ZZEF1: variants seen among roughly 807,000 people sequenced by gnomAD.
ZZEF1 encodes the protein zinc finger ZZ-type and EF-hand domain containing 1, also known as zinc finger ZZ-type and EF-hand domain-containing protein 1.
ZZEF1 carries 157 observed loss-of-function variants against 342.8 expected under a neutral mutation model. That is an observed-to-expected ratio of 0.46 (90% CI 0.40 to 0.52). The LOEUF (loss-of-function observed/expected upper bound fraction) is 0.52, where lower values mean the gene tolerates loss of function less well. Ranked by LOEUF, ZZEF1 falls within the 20% of genes least tolerant of loss-of-function variation. The pLI is 0.00. For missense variants in ZZEF1, 3,480 were observed against 3,725.6 expected, an observed-to-expected ratio of 0.93 and a Z score of 1.72; for synonymous variants, 1,505 against 1,429.1, an observed-to-expected ratio of 1.05 and a Z score of -1.20.
chr17:4,007,570 C>T (rs1024835524), intron 54 of ZZEF1, among the ~76,000 whole-genome samples: 3 of 152,096 alleles, frequency 2.0e-5, no homozygotes, highest in Non-Finnish European at 2.9e-5. Flanking sequence ...AAGAGGGACC[C>T]GCCCACAGGC....
chr17:4,104,681 G>A lies in ZZEF1; in HGVS notation c.1525C>T (p.Leu509Phe). The A allele has an allele frequency of 6.2e-7, 1 of 1,614,130 alleles. No homozygotes were observed. The highest frequency in any genetic ancestry group is 8.5e-7 in the Non-Finnish European group (1 of 1,180,008). Residue 509 changes from leucine (L) to phenylalanine (F), a missense_variant, in exon 8 of 55, where the codon CTC becomes TTC. Transcript: ENST00000381638. Reference protein sequence around the residue: ...HLDTQYDASSLILSMASVRQN... With the variant: ...HLDTQYDASSFILSMASVRQN... ...CTGACTGACGCCATGGACAAGATGA[G>A]GGATGAGGCATCATACTGCGTGTCC...
intron 37 of ZZEF1, 86 bp from the exon 38 acceptor site, chr17:4,044,460 G>T: frequency 7.8e-7 from 1 of 1,284,106 alleles, no homozygotes; most frequent in South Asian, 1.5e-5. Context: ...TGATTAGCCA[G>T]TCTTCATAGA....
chr17:4,087,630 G>A (rs1014809407), intron 13 of ZZEF1, 96 bp from the exon 14 acceptor site: 8 of 1,102,698 alleles, frequency 7.3e-6, no homozygotes, highest in African/African-American at 3.2e-5. Context: ...AAGGGATGAG[G>A]TGGCTCTACA....
chr17:4,017,376 C>T lies in ZZEF1; in HGVS notation c.7996G>A (p.Glu2666Lys), dbSNP rs760105104. The T allele has an allele frequency of 6.3e-7, 1 of 1,592,356 alleles. No homozygotes were observed. Among genetic ancestry groups the T allele is most frequent in the Non-Finnish European group, 8.6e-7 (1 of 1,165,840 alleles). Residue 2666 changes from glutamate (E) to lysine (K), a missense_variant, in exon 48 of 55, where the codon GAG (glutamate) becomes AAG (lysine). By Grantham distance (56) the Glu-to-Lys change is moderately conservative. Coordinates refer to ENST00000381638, the MANE Select transcript of ZZEF1 (RefSeq NM_015113.4). This position sits in a 1 kb window ranked among gnomAD's most constrained non-coding sequence, Gnocchi z 5.1. ...AGCTCAGTCTGCATAACTACCTTCT[C>T]CCACTCATGCTTTTCTTCCAGCTGC... Reference protein sequence around the residue: ...FMQLEEKHEWEKILQKVLQGC... With the variant: ...FMQLEEKHEWKKILQKVLQGC...
In ZZEF1 at chr17:4,110,767, T is replaced by C. The variant is rs564288630; in HGVS notation, c.1067-904A>G. On this transcript the variant is annotated intron_variant, in intron 5 of 54. Coordinates refer to ENST00000381638, the MANE Select transcript of ZZEF1 (RefSeq NM_015113.4). ...GCTCTGTTCACCCAGGCTGGAGGAG[T>C]GCAGTGGCACAATCTCAGCTCACTG... 7.0e-4 allele frequency among the ~76,000 whole-genome samples: 100 copies of C among 141,932 alleles called. 1 individual carries two copies. Among genetic ancestry groups the C allele is most frequent in the African/African-American group, 2.5e-3 (96 of 37,768 alleles). The allele number at this position is 141,932 out of a possible 152,430, so 93.1% of individuals were successfully genotyped here.
intron 37 of ZZEF1, among the ~76,000 whole-genome samples, chr17:4,049,366 G>A (rs1357400030): frequency 6.6e-6 from 1 of 151,970 alleles, no homozygotes; most frequent in African/African-American, 2.4e-5. Flanking sequence ...ACAAAAATTA[G>A]CCAGGCATGG....
chr17:4,018,029 T>C, intron 46 of ZZEF1, 58 bp from the exon 47 acceptor site: 1 of 1,594,720 alleles, frequency 6.3e-7, no homozygotes, highest in South Asian at 1.1e-5. Context: ...AGTTTTAACC[T>C]GCACTTAAAC....
At chr17:4,114,930 A>C (rs1198662188) in intron 3 of ZZEF1, among the ~76,000 whole-genome samples, 1 of 152,214 alleles carries the variant, frequency 6.6e-6, no homozygotes, top group Non-Finnish European at 1.5e-5. Flanking sequence ...TTCTGAGTTA[A>C]TTCATACATT....
chr17:4,042,913 C>T (rs1390735324), intron 38 of ZZEF1, among the ~76,000 whole-genome samples: 1 of 152,178 alleles, frequency 6.6e-6, no homozygotes, highest in Non-Finnish European at 1.5e-5. Flanking sequence ...AACTCTTGAC[C>T]TCAAGTGATC....
chr17:4,101,026 A>G (rs903250098), intron 9 of ZZEF1, among the ~76,000 whole-genome samples: 1 of 152,066 alleles, frequency 6.6e-6, no homozygotes, highest in African/African-American at 2.4e-5. Flanking sequence ...CCCACTTTGG[A>G]TGGCAGGAGC....
At chr17:4,132,965 CA>C (rs149110239) in intron 1 of ZZEF1, among the ~76,000 whole-genome samples, 16,751 of 147,776 alleles carry the variant, frequency 0.11, 1,224 homozygotes, top group African/African-American at 0.21. Context: ...GACTCCATCT[CA>C]AAAAAAAAAG....
rs998323456 is a variant in ZZEF1 at position 4,124,183 on chromosome 17, T to G, written c.355-132A>C. The G allele has an allele frequency of 1.6e-4, 182 of 1,136,820 alleles. 1 individual carries two copies. Among genetic ancestry groups the G allele is most frequent in the Non-Finnish European group, 2.0e-4 (167 of 833,362 alleles). The allele number at this position is 1,136,820 out of a possible 1,614,324, so 70.4% of individuals were successfully genotyped here. On this transcript the variant is annotated intron_variant, in intron 1 of 54. Transcript: ENST00000381638. The stretch of plus-strand genomic sequence containing the variant: ...GGTTGCAGAGAGAAGAGTCCATATG[T>G]ATCAACCAAAGATAAATTTAGAACA...
intron 11 of ZZEF1, among the ~76,000 whole-genome samples, chr17:4,095,169 C>T (rs1410112447): frequency 6.6e-6 from 1 of 152,182 alleles, no homozygotes; most frequent in African/African-American, 2.4e-5. Flanking sequence ...CACCTCTGGG[C>T]CCATGAAGCT....
At chr17:4,057,603 T>C (rs951880536) in intron 32 of ZZEF1, among the ~76,000 whole-genome samples, 4 of 152,128 alleles carry the variant, frequency 2.6e-5, no homozygotes, top group Non-Finnish European at 5.9e-5. Context: ...TAACAAAAAT[T>C]ATGGAAAGGA....
chr17:4,124,462 GAC>G (rs959851956), intron 1 of ZZEF1, among the ~76,000 whole-genome samples: 1 of 152,126 alleles, frequency 6.6e-6, no homozygotes, highest in African/African-American at 2.4e-5. Flanking sequence ...CCCTTTTTGA[GAC>G]ACAGTTTCTT....
At chr17:4,048,759 T>G (rs771477563) in intron 37 of ZZEF1, among the ~76,000 whole-genome samples, 6 of 152,068 alleles carry the variant, frequency 3.9e-5, no homozygotes, top group South Asian at 2.1e-4. Flanking sequence ...TGTCGCCCAG[T>G]TTGGAGTGCA....
chr17:4,096,803 A>G, intron 9 of ZZEF1, 103 bp from the exon 10 acceptor site: 1 of 903,362 alleles, frequency 1.1e-6, no homozygotes, highest in South Asian at 1.4e-5. Context: ...ATGGGGGGTA[A>G]CTGGTCTGAT....
chr17:4,128,263 G>A (rs551872484), intron 1 of ZZEF1, among the ~76,000 whole-genome samples: 1 of 147,222 alleles, frequency 6.8e-6, no homozygotes, highest in Admixed American at 7.0e-5. Context: ...CACAAGAATC[G>A]CTTGAAGCCA....
chr17:4,094,837 C>T lies in ZZEF1; in HGVS notation c.1913+994G>A, dbSNP rs944736738. ...CTGCTGCTGCTCTAGTAGGAGTCAC[C>T]CACTGGCTTCCTAGGCAATAAGTGA... On this transcript the variant is annotated intron_variant, in intron 11 of 54. Transcript: ENST00000381638. 2.0e-5 allele frequency among the ~76,000 whole-genome samples: 3 copies of T among 152,126 alleles called. No individual in the cohort carries two copies. The East Asian group carries it at 5.8e-4, about 29-fold the overall frequency.
Sources: allele counts gnomAD v4.1 joint callset (sites outside exome capture counted in the v4.1 genomes callset), GRCh38; gene constraint gnomAD v4.1.1; non-coding constraint Gnocchi (gnomAD v3.1); transcripts MANE v1.5; gene names NCBI Gene and HGNC (gene_info 2026-07-23, HGNC 2026-07-21).